Variants in GRIK4 observed in about 807,000 individuals in gnomAD.
GRIK4 encodes the protein glutamate ionotropic receptor kainate type subunit 4.
In GRIK4, 40 loss-of-function variants were observed where a neutral mutation model predicts 104.9. The ratio of observed to expected loss-of-function variants is 0.38; its 90% CI spans 0.30 to 0.50. The LOEUF (loss-of-function observed/expected upper bound fraction) is 0.50. GRIK4 is among the 20% of genes least tolerant of loss of function. GRIK4 has a pLI of 0.93. For missense variants in GRIK4, 1,047 were observed against 1,308.1 expected, an observed-to-expected ratio of 0.80 and a Z score of 3.08; for synonymous variants, 485 against 524.9, an observed-to-expected ratio of 0.92 and a Z score of 1.04.
intron 8 of GRIK4, among the ~76,000 whole-genome samples, chr11:120,844,205 A>G (rs1168293719): frequency 6.6e-6 from 1 of 151,814 alleles, no homozygotes; most frequent in Non-Finnish European, 1.5e-5. Flanking sequence ...ACACAGCCCC[A>G]CTCTTTCACT....
At position 120,882,524 on chromosome 11, in the gene GRIK4, C is replaced by G. The variant is rs771031127; in HGVS notation, c.1164+7281C>G. On this transcript the variant is annotated intron_variant, in intron 11 of 20. Transcript: ENST00000527524. The stretch of plus-strand genomic sequence containing the variant: ...GACTTTGCCTTTGATGAGGAAACTT[C>G]GAGACGGCAGATCCGGGTGGAGGGA... Among the ~76,000 whole-genome samples the G allele has an allele frequency of 2.0e-5, 3 of 152,216 alleles. No individual in the cohort carries two copies. The East Asian group carries it at 5.8e-4, about 29-fold the overall frequency.
At chr11:120,654,941 T>C (rs1367230159) in intron 2 of GRIK4, among the ~76,000 whole-genome samples, 3 of 152,182 alleles carry the variant, frequency 2.0e-5, no homozygotes, top group African/African-American at 7.2e-5. Flanking sequence ...CATATATTAC[T>C]GTGATTCCCC....
intron 11 of GRIK4, among the ~76,000 whole-genome samples, chr11:120,884,736 C>T (rs1252394285): frequency 4.6e-5 from 7 of 152,248 alleles, no homozygotes; most frequent in Non-Finnish European, 7.3e-5. Context: ...GCTGCTCAGA[C>T]AAGAGCTGCC....
intron 3 of GRIK4, among the ~76,000 whole-genome samples, chr11:120,773,965 A>T (rs181336289): frequency 6.5e-4 from 99 of 152,316 alleles, no homozygotes; most frequent in Admixed American, 2.7e-3. Context: ...AAGGATTCCC[A>T]CAGAAAAAGC....
chr11:120,949,914 T>C (rs370572862), intron 14 of GRIK4, among the ~76,000 whole-genome samples: 1 of 152,166 alleles, frequency 6.6e-6, no homozygotes, highest in African/African-American at 2.4e-5. Context: ...CATTTTTAGT[T>C]CTTCAAAAGA....
At chr11:120,660,561 C>T (rs905536147) in intron 3 of GRIK4, among the ~76,000 whole-genome samples, 161 bp downstream of exon 3, 8 of 152,216 alleles carry the variant, frequency 5.3e-5, no homozygotes, top group Admixed American at 5.2e-4. Flanking sequence ...GTGGTGGAGG[C>T]AGCTGACAGG....
chr11:120,774,923 G>A (rs989142691), intron 3 of GRIK4, among the ~76,000 whole-genome samples: 3 of 152,140 alleles, frequency 2.0e-5, no homozygotes, highest in Non-Finnish European at 4.4e-5. Flanking sequence ...CTACTGATGC[G>A]GCATGAGTGA....
intron 1 of GRIK4, among the ~76,000 whole-genome samples, chr11:120,619,232 G>A (rs1949154197): frequency 2.0e-5 from 3 of 152,304 alleles, no homozygotes; most frequent in Middle Eastern, 3.4e-3. Context: ...GCTGGGTTTT[G>A]TACTTGCATG....
chr11:120,789,137 C>A (rs1952345836), intron 3 of GRIK4, among the ~76,000 whole-genome samples: 1 of 152,142 alleles, frequency 6.6e-6, no homozygotes, highest in Non-Finnish European at 1.5e-5. Flanking sequence ...CATTATCACC[C>A]TGACCCTGGG....
intron 14 of GRIK4, among the ~76,000 whole-genome samples, chr11:120,943,224 T>G (rs937532419): frequency 6.6e-6 from 1 of 151,782 alleles, no homozygotes; most frequent in Non-Finnish European, 1.5e-5. Flanking sequence ...GCCACGTGGC[T>G]GCCTAGACCT....
At chr11:120,855,011 A>C (rs1334990031) in intron 8 of GRIK4, among the ~76,000 whole-genome samples, 1 of 152,222 alleles carries the variant, frequency 6.6e-6, no homozygotes, top group Non-Finnish European at 1.5e-5. Flanking sequence ...AATTAAGCCC[A>C]AAAGGCAACT....
chr11:120,658,669 G>A lies in GRIK4; in HGVS notation c.-50-1600G>A, dbSNP rs745815553. Among the ~76,000 whole-genome samples the A allele has an allele frequency of 4.8e-4, 65 of 136,458 alleles. 1 individual carries two copies. The Middle Eastern group carries it at 0.032, about 66-fold the overall frequency. The allele number at this position is 136,458 out of a possible 152,430, so 89.5% of individuals were successfully genotyped here. A position where few individuals can be genotyped will look rare whatever the true frequency, so the allele number is the denominator to read the frequency against. On this transcript the variant is annotated intron_variant, in intron 2 of 20. Coordinates refer to ENST00000527524, the MANE Select transcript of GRIK4 (RefSeq NM_014619.5). ...GGATATCTTCTTTAGTAAAGTGTCT[G>A]TTCAAGCCTTTGCCCATTTTCCTAT...
chr11:120,642,791 C>T (rs28558861), intron 1 of GRIK4, among the ~76,000 whole-genome samples: 10,212 of 152,206 alleles, frequency 0.067, 1,105 homozygotes, highest in African/African-American at 0.23. Flanking sequence ...TCCTCCTCAC[C>T]TCATCTGTTT....
At chr11:120,772,849 G>A (rs1331882587) in intron 3 of GRIK4, among the ~76,000 whole-genome samples, 1 of 151,808 alleles carries the variant, frequency 6.6e-6, no homozygotes, top group South Asian at 2.1e-4. Flanking sequence ...AAGTGCTGGT[G>A]CATTCATTCA....
At chr11:120,580,247 CTTT>C (rs1565558857) in intron 1 of GRIK4, among the ~76,000 whole-genome samples, 6 of 119,614 alleles carry the variant, frequency 5.0e-5, no homozygotes, top group African/African-American at 2.2e-4. Flanking sequence ...TTCTTTCTTT[CTTT>C]CTTTTTCTTT....
chr11:120,626,409 T>C (rs1437311795), intron 1 of GRIK4, among the ~76,000 whole-genome samples: 1 of 152,168 alleles, frequency 6.6e-6, no homozygotes, highest in African/African-American at 2.4e-5. Context: ...GCACACTTTA[T>C]TGGAGGGAAA....
chr11:120,806,071 G>C (rs1461411628), intron 4 of GRIK4, among the ~76,000 whole-genome samples: 1 of 152,174 alleles, frequency 6.6e-6, no homozygotes. Context: ...TGCCTCATAG[G>C]GTCACTGGGA....
chr11:120,724,815 TG>T (rs1290429225), intron 3 of GRIK4, among the ~76,000 whole-genome samples: 2 of 152,250 alleles, frequency 1.3e-5, no homozygotes, highest in Non-Finnish European at 2.9e-5. Flanking sequence ...TTACCAAAAT[TG>T]TGCACCATTT....
At chr11:120,704,041 G>A (rs1043197911) in intron 3 of GRIK4, among the ~76,000 whole-genome samples, 1 of 152,130 alleles carries the variant, frequency 6.6e-6, no homozygotes, top group Non-Finnish European at 1.5e-5. Context: ...TGCCAAAGGC[G>A]AAAAACGAAA....
Sources: allele counts gnomAD v4.1 joint callset (sites outside exome capture counted in the v4.1 genomes callset), GRCh38; gene constraint gnomAD v4.1.1; transcripts MANE v1.5; gene names NCBI Gene and HGNC (gene_info 2026-07-23, HGNC 2026-07-21).